GPI: variants seen among roughly 807,000 people sequenced by gnomAD.
GPI encodes the protein D-hexose-6-phosphate anomerase.
GPI carries 56 observed loss-of-function variants against 75.8 expected under a neutral mutation model. The observed-to-expected ratio is 0.74, with a 90% CI of 0.60 to 0.92. The LOEUF is 0.92. Ranked by LOEUF, GPI falls within the 40% of genes least tolerant of loss-of-function variation. The probability of loss-of-function intolerance (pLI) is 0.00; values close to 1 mark genes in which losing one functional copy is unlikely to be tolerated. For synonymous variants in GPI, 288 were observed against 285.4 expected (o/e 1.01, Z -0.09); for missense variants, 638 against 741.0 (o/e 0.86, Z 1.61).
At chr19:34,364,128 A>G (rs1376530910), upstream of GPI, among the ~76,000 whole-genome samples, 1 of 151,886 alleles carries the variant, frequency 6.6e-6, no homozygotes, top group African/African-American at 2.4e-5. Context: ...GACTCAAGTG[A>G]TCCTCCTGCC....
At chr19:34,366,225 G>A (rs773440110) in intron 1 of GPI, 120 bp from the exon 2 acceptor site, 3 of 760,314 alleles carry the variant, frequency 3.9e-6, no homozygotes, top group Admixed American at 3.6e-5. Context: ...CTGGGTGGCC[G>A]CGGCCCTTGT....
intron 9 of GPI, among the ~76,000 whole-genome samples, chr19:34,381,821 G>A (rs1423686505): frequency 6.6e-6 from 1 of 152,212 alleles, no homozygotes; most frequent in Non-Finnish European, 1.5e-5. Context: ...CAGAGTTGAG[G>A]TTGTGAGTTA....
chr19:34,396,826 G>C (rs1386138298), intron 14 of GPI, among the ~76,000 whole-genome samples, 169 bp downstream of exon 14: 1 of 152,072 alleles, frequency 6.6e-6, no homozygotes, highest in Admixed American at 6.5e-5. Context: ...GGGGTGGGGA[G>C]GGGGGACAGA....
At chr19:34,364,781 T>C (rs2074328650), upstream of GPI, 2 of 457,280 alleles carry the variant, frequency 4.4e-6, no homozygotes, top group South Asian at 4.3e-5. Context: ...TCTGTTGTAC[T>C]TGCTTATTTG....
At chr19:34,395,271 G>A (rs2074927726) in intron 12 of GPI, among the ~76,000 whole-genome samples, 1 of 151,652 alleles carries the variant, frequency 6.6e-6, no homozygotes. Context: ...GCTGATGCCT[G>A]CAATCCCAGC....
chr19:34,360,936 C>G (rs1801155450), upstream of GPI, among the ~76,000 whole-genome samples: 4 of 151,294 alleles, frequency 2.6e-5, no homozygotes, highest in Admixed American at 6.6e-5. Flanking sequence ...CGCCACCACG[C>G]CTGGCTAATT....
At chr19:34,390,391 C>T (rs2074803574) in intron 9 of GPI, among the ~76,000 whole-genome samples, 2 of 152,172 alleles carry the variant, frequency 1.3e-5, no homozygotes, top group South Asian at 4.1e-4. Context: ...AAGTATGAGA[C>T]TGAGAAGGTG....
upstream of GPI, chr19:34,364,622 C>A: frequency 4.3e-6 from 1 of 233,828 alleles, no homozygotes; most frequent in Non-Finnish European, 8.3e-6. Context: ...ACATGATCCG[C>A]CTGCCTCGGC....
At chr19:34,382,076 G>A (rs1049007671) in intron 9 of GPI, among the ~76,000 whole-genome samples, 2 of 152,144 alleles carry the variant, frequency 1.3e-5, no homozygotes, top group African/African-American at 2.4e-5. Context: ...TGCTGGAGCC[G>A]AGCAGTGAGC....
chr19:34,378,017 G>GCTGTACTGACCTGA, intron 6 of GPI, 136 bp downstream of exon 6: 1 of 846,172 alleles, frequency 1.2e-6, no homozygotes, highest in Non-Finnish European at 2.0e-6. Context: ...GATCAGGTCA[G>GCTGTACTGACCTGA]TACAGCTGCC....
chr19:34,398,485 T>A (rs1332139792), intron 14 of GPI: 4 of 152,050 alleles, frequency 2.6e-5, no homozygotes, highest in Non-Finnish European at 5.9e-5. Flanking sequence ...TAGTATTATT[T>A]TTTTTTCGAG....
chr19:34,379,406 C>G (rs2145367185), intron 7 of GPI, 112 bp from the exon 8 acceptor site: 5 of 976,210 alleles, frequency 5.1e-6, no homozygotes, highest in Middle Eastern at 2.2e-4. Flanking sequence ...GTCTCAGAAC[C>G]AAGGACTGGG....
chr19:34,360,086 A>G (rs140283283), upstream of GPI, among the ~76,000 whole-genome samples: 45 of 152,260 alleles, frequency 3.0e-4, no homozygotes, highest in African/African-American at 9.6e-4. Flanking sequence ...GGGCACGTGA[A>G]GGTGTCCGGC....
chr19:34,382,027 G>A (rs970984128), intron 9 of GPI, among the ~76,000 whole-genome samples: 2 of 152,118 alleles, frequency 1.3e-5, no homozygotes, highest in East Asian at 1.9e-4. Context: ...CAGGGCTGCC[G>A]ACCCCTCTGT....
chr19:34,368,333 C>T (rs1014031839), intron 3 of GPI, among the ~76,000 whole-genome samples: 3 of 152,224 alleles, frequency 2.0e-5, no homozygotes, highest in Non-Finnish European at 2.9e-5. Flanking sequence ...GGCAGGCCTT[C>T]GGGGCCTGTC....
chr19:34,369,173 C>T (rs2074412931), intron 4 of GPI, among the ~76,000 whole-genome samples: 1 of 151,788 alleles, frequency 6.6e-6, no homozygotes, highest in African/African-American at 2.4e-5. Context: ...CTCAGCCTCC[C>T]GAGTAGCTGG....
intron 13 of GPI, 65 bp from the exon 14 acceptor site, chr19:34,396,516 C>T: frequency 6.2e-7 from 1 of 1,611,168 alleles, no homozygotes; most frequent in Non-Finnish European, 8.5e-7. Context: ...CAGTGCCCTC[C>T]TCTAGGCCAT....
rs144652196 is a variant in GPI at position 34,371,663 on chromosome 19, A to T, written c.402+2961A>T. ...CAGGAGTTCAAGACAAGCCTGGCCA[A>T]CATAATGAAACCCCATCTCTACTAA... On this transcript the variant is annotated intron_variant, in intron 4 of 17. Coordinates refer to ENST00000356487, the MANE Select transcript of GPI (RefSeq NM_000175.5). Among the ~76,000 whole-genome samples, 326 of 151,788 alleles carry T rather than the reference A, an allele frequency of 2.1e-3. 2 individuals carry two copies. Among genetic ancestry groups the T allele is most frequent in the Admixed American group, 5.5e-3 (83 of 15,226 alleles).
At chr19:34,366,302 G>T in intron 1 of GPI, 43 bp from the exon 2 acceptor site, 1 of 1,267,162 alleles carries the variant, frequency 7.9e-7, no homozygotes, top group South Asian at 1.2e-5. Flanking sequence ...CTCCCCGCTA[G>T]GGAGACCAGG....
Sources: allele counts gnomAD v4.1 joint callset (sites outside exome capture counted in the v4.1 genomes callset), GRCh38; gene constraint gnomAD v4.1.1; transcripts MANE v1.5; gene names NCBI Gene and HGNC (gene_info 2026-07-23, HGNC 2026-07-21).